Variants in PDE7B observed in about 807,000 individuals in gnomAD.
The protein encoded by PDE7B is phosphodiesterase 7B, also known as 3',5'-cyclic-AMP phosphodiesterase 7B.
PDE7B carries 29 observed loss-of-function variants against 56.2 expected under a neutral mutation model. The observed-to-expected ratio is 0.52, with a 90% CI of 0.38 to 0.70. The LOEUF is 0.70. PDE7B is among the 30% of genes least tolerant of loss of function. The probability of loss-of-function intolerance (pLI) is 0.00; values close to 1 mark genes in which losing one functional copy is unlikely to be tolerated. For missense variants in PDE7B, 490 were observed against 565.0 expected (o/e 0.87, Z 1.35); for synonymous variants, 197 against 196.9 (o/e 1.00, Z 0.00).
intron 1 of PDE7B, among the ~76,000 whole-genome samples, chr6:135,943,251 G>T (rs1406144474): frequency 1.3e-5 from 2 of 152,136 alleles, no homozygotes; most frequent in East Asian, 3.8e-4. Flanking sequence ...ATGATACTGT[G>T]ATGTAGATTA....
intron 2 of PDE7B, among the ~76,000 whole-genome samples, chr6:135,972,951 T>C (rs1775118935): frequency 6.6e-6 from 1 of 152,212 alleles, no homozygotes; most frequent in Non-Finnish European, 1.5e-5. Flanking sequence ...TGTAACATAT[T>C]CTATTTTAAT....
intron 1 of PDE7B, among the ~76,000 whole-genome samples, chr6:135,877,119 A>G (rs1166559320): frequency 1.3e-5 from 2 of 151,856 alleles, no homozygotes; most frequent in Admixed American, 6.6e-5. Flanking sequence ...TTCTTTCTCT[A>G]TAATTTTGAT....
chr6:136,175,317 T>C (rs1297473137), intron 9 of PDE7B, among the ~76,000 whole-genome samples: 7 of 152,212 alleles, frequency 4.6e-5, no homozygotes, highest in Admixed American at 4.6e-4. Context: ...AATGCTTTAA[T>C]GTCATTTTTC....
chr6:135,853,456 T>C (rs1383840598), intron 1 of PDE7B, among the ~76,000 whole-genome samples: 1 of 152,224 alleles, frequency 6.6e-6, no homozygotes, highest in African/African-American at 2.4e-5. Flanking sequence ...CTCCTCCATT[T>C]CCTCTGCTTT....
intron 1 of PDE7B, among the ~76,000 whole-genome samples, chr6:135,925,636 C>A (rs1050747534): frequency 2.6e-5 from 4 of 152,056 alleles, no homozygotes; most frequent in Admixed American, 2.6e-4. Context: ...ATGAATACTG[C>A]GCATATTGTT....
At chr6:135,926,428 G>A (rs1048654153) in intron 1 of PDE7B, among the ~76,000 whole-genome samples, 5 of 151,886 alleles carry the variant, frequency 3.3e-5, no homozygotes, top group South Asian at 2.1e-4. Flanking sequence ...AAGAGTGGGC[G>A]GTCACAAGGA....
intron 2 of PDE7B, among the ~76,000 whole-genome samples, chr6:136,026,327 A>AC (rs5880277): frequency 0.46 from 70,038 of 151,890 alleles, 16,518 homozygotes; most frequent in African/African-American, 0.56. Flanking sequence ...TTTTTTCAGC[A>AC]TTTTTTTGAT....
At chr6:136,182,748 A>G (rs1779086060) in intron 11 of PDE7B, among the ~76,000 whole-genome samples, 1 of 152,228 alleles carries the variant, frequency 6.6e-6, no homozygotes, top group Admixed American at 6.5e-5. Flanking sequence ...AGTACAGTAA[A>G]TGGTATCAAC....
chr6:135,852,472 T>C (rs966298053), intron 1 of PDE7B, among the ~76,000 whole-genome samples: 8 of 152,202 alleles, frequency 5.3e-5, no homozygotes, highest in African/African-American at 1.9e-4. Flanking sequence ...GAGTTTTTCA[T>C]GTTGGTTGAT....
At chr6:136,031,793 T>C (rs1276525276) in intron 2 of PDE7B, among the ~76,000 whole-genome samples, 1 of 151,954 alleles carries the variant, frequency 6.6e-6, no homozygotes, top group Non-Finnish European at 1.5e-5. Flanking sequence ...TCACTTTCCT[T>C]TTGTTATGTC....
intron 1 of PDE7B, among the ~76,000 whole-genome samples, chr6:135,888,766 T>C (rs538248399): frequency 6.6e-6 from 1 of 152,130 alleles, no homozygotes; most frequent in African/African-American, 2.4e-5. Context: ...ATGTCAACAG[T>C]AGGTGTAGTA....
rs185610962 is a variant in PDE7B, at chr6:136,146,625, C to T, written c.167-726C>T. Among the ~76,000 whole-genome samples, 357 of 152,214 alleles carry T rather than the reference C, an allele frequency of 2.3e-3. 3 individuals are homozygous for T. The highest frequency in any genetic ancestry group is 8.2e-3 in the African/African-American group (340 of 41,528). ...TGTAAACTGGTGTATTTACAACCCT[C>T]CTAATTCAGGTGGAAAAATTCATCA... On this transcript the variant is annotated intron_variant, in intron 3 of 12. Coordinates refer to ENST00000308191, the MANE Select transcript of PDE7B (RefSeq NM_018945.4).
chr6:135,854,084 T>C (rs1056198373), intron 1 of PDE7B, among the ~76,000 whole-genome samples: 4 of 152,160 alleles, frequency 2.6e-5, no homozygotes, highest in Non-Finnish European at 4.4e-5. Context: ...ACATCTTAAA[T>C]GCAAAAGTAA....
intron 2 of PDE7B, among the ~76,000 whole-genome samples, chr6:136,067,688 A>T (rs768770813): frequency 6.6e-6 from 1 of 152,230 alleles, no homozygotes; most frequent in East Asian, 1.9e-4. Context: ...TTTAATGTTG[A>T]TATAGATGTG....
At chr6:136,097,934 A>G (rs746404164) in intron 2 of PDE7B, 3 of 152,076 alleles carry the variant, frequency 2.0e-5, no homozygotes, top group Non-Finnish European at 4.4e-5. Context: ...TCTAAAGCAG[A>G]ATACTTTTGA....
intron 1 of PDE7B, among the ~76,000 whole-genome samples, chr6:135,873,023 C>G (rs905469929): frequency 1.3e-5 from 2 of 152,130 alleles, no homozygotes; most frequent in African/African-American, 4.8e-5. Context: ...ATACTTCATT[C>G]TGTAAATAGA....
chr6:136,052,035 G>A (rs1776638446), intron 2 of PDE7B, among the ~76,000 whole-genome samples: 1 of 150,296 alleles, frequency 6.7e-6, no homozygotes, highest in South Asian at 2.1e-4. Flanking sequence ...TACATTACAT[G>A]TACATTTAAA....
At chr6:135,874,779 G>A (rs1038073193) in intron 1 of PDE7B, among the ~76,000 whole-genome samples, 1 of 152,144 alleles carries the variant, frequency 6.6e-6, no homozygotes, top group Non-Finnish European at 1.5e-5. Context: ...TGCTTACACT[G>A]GGAATAGTCT....
intron 3 of PDE7B, among the ~76,000 whole-genome samples, chr6:136,130,499 G>A (rs888099510): frequency 6.6e-6 from 1 of 152,088 alleles, no homozygotes; most frequent in East Asian, 1.9e-4. Context: ...CAGAGCACCC[G>A]CTAGACAAAT....
Sources: allele counts gnomAD v4.1 joint callset (sites outside exome capture counted in the v4.1 genomes callset), GRCh38; gene constraint gnomAD v4.1.1; transcripts MANE v1.5; gene names NCBI Gene and HGNC (gene_info 2026-07-23, HGNC 2026-07-21).